Variants in SNAP25 observed in about 807,000 individuals in gnomAD.
The protein encoded by SNAP25 is synaptosomal-associated protein 25.
A neutral mutation model predicts 28.7 loss-of-function variants in SNAP25; 3 were observed. That is an observed-to-expected ratio of 0.10 (90% CI 0.05 to 0.27). The LOEUF (loss-of-function observed/expected upper bound fraction) is 0.27, where lower values mean the gene tolerates loss of function less well. Among genes scored for constraint, SNAP25 ranks in the 10% least tolerant of loss-of-function variants. The probability of loss-of-function intolerance (pLI) is 1.00; values close to 1 mark genes in which losing one functional copy is unlikely to be tolerated. For missense variants in SNAP25, 117 were observed against 278.7 expected (o/e 0.42, Z 4.13); for synonymous variants, 61 against 88.1 (o/e 0.69, Z 1.72).
At chr20:10,260,163 T>C (rs1266562870) in intron 1 of SNAP25, among the ~76,000 whole-genome samples, 3 of 152,190 alleles carry the variant, frequency 2.0e-5, no homozygotes, top group Admixed American at 6.5e-5. Context: ...AATTTGGTAA[T>C]TCTCAGTAAT....
rs1568608639 is a variant in SNAP25, at chr20:10,275,071, AAATAAATAAAT to A, written c.-63-355_-63-345del. Among the ~76,000 whole-genome samples, 200 of 137,872 alleles carry A rather than the reference AAATAAATAAAT, an allele frequency of 1.5e-3. 1 individual carries two copies. Among genetic ancestry groups the A allele is most frequent in the African/African-American group, 5.6e-3 (177 of 31,660 alleles). The allele number at this position is 137,872 out of a possible 152,430, so 90.4% of individuals were successfully genotyped here. A position where few individuals can be genotyped will look rare whatever the true frequency, so the allele number is the denominator to read the frequency against. Reference sequence around the variant, plus strand: ...CTGTTATACCTTAATAGAGCTATTTAAATAAATAAATAAATAAATAAATAAATAAATAAATA... The same window carrying A: ...CTGTTATACCTTAATAGAGCTATTTAAAATAAATAAATAAATAAATAAATA... On this transcript the variant is annotated intron_variant, in intron 1 of 7. Transcript: ENST00000254976.
At chr20:10,260,724 A>ACACACACACACACACACAAAC (rs1568597310) in intron 1 of SNAP25, among the ~76,000 whole-genome samples, 4 of 78,412 alleles carry the variant, frequency 5.1e-5, no homozygotes, top group African/African-American at 1.7e-4. Flanking sequence ...CACACACACA[A>ACACACACACACACACACAAAC]ACACACACAC....
intron 1 of SNAP25, among the ~76,000 whole-genome samples, chr20:10,245,681 C>A (rs957273931): frequency 4.2e-5 from 6 of 141,948 alleles, no homozygotes; most frequent in Non-Finnish European, 9.2e-5. Flanking sequence ...GAAATGCTAT[C>A]TTCATCTTAT....
chr20:10,273,648 C>T (rs1296872499), intron 1 of SNAP25, among the ~76,000 whole-genome samples: 1 of 152,214 alleles, frequency 6.6e-6, no homozygotes, highest in African/African-American at 2.4e-5. Flanking sequence ...CTTTGTTCTA[C>T]TACCACTCAT....
chr20:10,275,662 A>T, intron 2 of SNAP25, 99 bp downstream of exon 2: 1 of 939,250 alleles, frequency 1.1e-6, no homozygotes. Context: ...TCAATGTCTC[A>T]ATTTCTTTTA....
chr20:10,293,345 A>C lies in SNAP25; in HGVS notation c.281+67A>C. On this transcript the variant is annotated intron_variant, in intron 5 of 7. Transcript: ENST00000254976. The surrounding 1 kb of genome is among the most constrained non-coding windows in gnomAD (Gnocchi z 5.6). ...CCCATCTCCAAGCCTTGACAAGCTCATTCCTGCCAAGCTCATAGGCAGGAT... is the reference window on the plus strand; with the variant it reads ...CCCATCTCCAAGCCTTGACAAGCTCCTTCCTGCCAAGCTCATAGGCAGGAT... The C allele has an allele frequency of 6.5e-6, 8 of 1,233,896 alleles. No individual in the cohort carries two copies. The highest frequency in any genetic ancestry group is 8.4e-6 in the Non-Finnish European group (7 of 837,174). The allele number at this position is 1,233,896 out of a possible 1,614,324, so 76.4% of individuals were successfully genotyped here.
intron 1 of SNAP25, among the ~76,000 whole-genome samples, chr20:10,267,693 A>G (rs1485692719): frequency 1.3e-5 from 2 of 152,122 alleles, no homozygotes; most frequent in Admixed American, 1.3e-4. Context: ...CTGGGACTAC[A>G]GGCACACGCC....
At chr20:10,292,956 G>C in intron 4 of SNAP25, 1 of 1,613,698 alleles carries the variant, frequency 6.2e-7, no homozygotes, top group Non-Finnish European at 8.5e-7. Flanking sequence ...AAATTTAAAA[G>C]ATTTAGGGAA....
intron 1 of SNAP25, among the ~76,000 whole-genome samples, chr20:10,241,248 C>T (rs1323188053): frequency 6.6e-6 from 1 of 152,112 alleles, no homozygotes; most frequent in Non-Finnish European, 1.5e-5. Context: ...GATTCACAGG[C>T]AACCTAGCAG....
rs910284739 is a variant in SNAP25 at position 10,275,459 on chromosome 20, A to G, written c.-33A>G. 6.3e-7 allele frequency: 1 copy of G among 1,578,544 alleles called. No homozygotes were observed. Among genetic ancestry groups the G allele is most frequent in the Non-Finnish European group, 8.6e-7 (1 of 1,161,004 alleles). ...GAGCCAAACCCGTCACTGACCCCCCAGCCCAGGCGCCCAGCCACTCCCCAC... is the reference window on the plus strand; with the variant it reads ...GAGCCAAACCCGTCACTGACCCCCCGGCCCAGGCGCCCAGCCACTCCCCAC... On this transcript the variant is annotated 5_prime_UTR_variant, in exon 2 of 8. Coordinates refer to ENST00000254976, the MANE Select transcript of SNAP25 (RefSeq NM_130811.4).
chr20:10,288,418 C>T (rs1040490851), intron 4 of SNAP25, among the ~76,000 whole-genome samples: 1 of 152,026 alleles, frequency 6.6e-6, no homozygotes, highest in African/African-American at 2.4e-5. Context: ...GAATAACAGG[C>T]TTACATGAGT....
At chr20:10,226,396 T>C (rs2062734619) in intron 1 of SNAP25, among the ~76,000 whole-genome samples, 1 of 152,182 alleles carries the variant, frequency 6.6e-6, no homozygotes, top group African/African-American at 2.4e-5. Context: ...TGCTTCATCA[T>C]AAATCAGCTG....
rs1361560303 is a variant in SNAP25 at position 10,288,406 on chromosome 20, A to G, written c.163+3634A>G. On this transcript the variant is annotated intron_variant, in intron 4 of 7. Coordinates refer to ENST00000254976, the MANE Select transcript of SNAP25 (RefSeq NM_130811.4). Reference sequence around the variant, plus strand: ...AAACCTGGAATGAAAAAGAGAAAACATGAATAACAGGCTTACATGAGTGAT... The same window carrying G: ...AAACCTGGAATGAAAAAGAGAAAACGTGAATAACAGGCTTACATGAGTGAT... Among the ~76,000 whole-genome samples the G allele has an allele frequency of 2.0e-5, 3 of 152,194 alleles. No individual in the cohort carries two copies. The South Asian group carries it at 6.2e-4, about 31-fold the overall frequency.
chr20:10,251,149 CT>C (rs1415750326), intron 1 of SNAP25, among the ~76,000 whole-genome samples: 1 of 152,208 alleles, frequency 6.6e-6, no homozygotes, highest in Non-Finnish European at 1.5e-5. Flanking sequence ...CAATTATTTA[CT>C]TGCTGCTTTC....
chr20:10,270,121 T>C (rs1256575031), intron 1 of SNAP25, among the ~76,000 whole-genome samples: 1 of 151,696 alleles, frequency 6.6e-6, no homozygotes, highest in Non-Finnish European at 1.5e-5. Flanking sequence ...GGCGTGGTGG[T>C]GCATGCCTGT....
chr20:10,230,059 GCCCTTCT>G (rs2062801326), intron 1 of SNAP25, among the ~76,000 whole-genome samples: 1 of 152,066 alleles, frequency 6.6e-6, no homozygotes, highest in Non-Finnish European at 1.5e-5. Context: ...AGAACCAAAG[GCCCTTCT>G]CTCCTTTTCC....
intron 1 of SNAP25, among the ~76,000 whole-genome samples, chr20:10,233,508 G>A (rs570318309): frequency 2.9e-4 from 44 of 152,234 alleles, no homozygotes; most frequent in Admixed American, 9.8e-4. Context: ...AAAACCCATC[G>A]TTCCATCAAT....
intron 1 of SNAP25, chr20:10,219,816 T>C (rs1259740511): frequency 2.0e-5 from 3 of 152,220 alleles, no homozygotes; most frequent in African/African-American, 7.2e-5. Context: ...AGAGGAGTCA[T>C]AGTAGCTTAA....
intron 3 of SNAP25, among the ~76,000 whole-genome samples, chr20:10,278,497 G>A (rs34617618): frequency 0.064 from 9,717 of 152,256 alleles, 419 homozygotes; most frequent in Non-Finnish European, 0.092. Context: ...TGGGAGAGAT[G>A]AAGTGGAAAA....
Sources: gnomAD v4.1 joint callset for allele counts (sites outside exome capture counted in the v4.1 genomes callset) on GRCh38, gnomAD v4.1.1 for gene constraint, Gnocchi (gnomAD v3.1) non-coding constraint, MANE v1.5 for transcripts, NCBI Gene and HGNC (gene_info 2026-07-23, HGNC 2026-07-21) for gene names.